Variants in OR4D2 observed in about 807,000 individuals in gnomAD.
The protein encoded by OR4D2 is olfactory receptor family 4 subfamily D member 2, also known as olfactory receptor 4D2.
A neutral mutation model predicts 12.4 loss-of-function variants in OR4D2; 9 were observed. The observed-to-expected ratio is 0.73, with a 90% CI of 0.44 to 1.27. OR4D2 has a LOEUF of 1.27. OR4D2 is among the 50% of genes most tolerant of loss of function. OR4D2 has a pLI of 0.00. For synonymous variants in OR4D2, 151 were observed against 151.1 expected (o/e 1.00, Z 0.01); for missense variants, 373 against 381.6 (o/e 0.98, Z 0.19).
At chr17:58,169,145 C>T (rs1237345735) in intron 1 of OR4D2, among the ~76,000 whole-genome samples, 1 of 152,176 alleles carries the variant, frequency 6.6e-6, no homozygotes, top group Admixed American at 6.5e-5. Flanking sequence ...GAGAGGATAT[C>T]TTTAGATTAA....
In OR4D2 at chr17:58,170,513, C is replaced by G. The variant is rs1458476539; in HGVS notation, c.858C>G (p.Ile286Met). Reference sequence around the variant, plus strand: ...TGACCCCCATGCTCAACCCCATGATCTATACCCTGAGGAACCAGGACATGC... The same window carrying G: ...TGACCCCCATGCTCAACCCCATGATGTATACCCTGAGGAACCAGGACATGC... ...TVMTPMLNPM[I>M]YTLRNQDMQA... Residue 286 changes from isoleucine to methionine, a missense_variant, in exon 2 of 2, where the codon ATC (isoleucine) becomes ATG (methionine). Ile to Met is a conservative substitution (Grantham distance 10). Coordinates refer to ENST00000545221, the MANE Select transcript of OR4D2 (RefSeq NM_001004707.4). The G allele has an allele frequency of 1.2e-6, 2 of 1,614,070 alleles. No homozygotes were observed. Among genetic ancestry groups the G allele is most frequent in the Non-Finnish European group, 1.7e-6 (2 of 1,180,018 alleles).
intron 1 of OR4D2, 135 bp downstream of exon 1, chr17:58,167,188 G>A (rs1967901272): frequency 6.6e-6 from 1 of 152,184 alleles, no homozygotes; most frequent in Non-Finnish European, 1.5e-5. Context: ...GGCTTACTAA[G>A]TTATTGAATT....
Position 58,170,518 on chromosome 17 carries a change from C to T in OR4D2, c.863C>T (p.Thr288Ile). 1 of 1,614,160 alleles carries T rather than the reference C, an allele frequency of 6.2e-7. No individual in the cohort carries two copies. The highest frequency in any genetic ancestry group is 8.5e-7 in the Non-Finnish European group (1 of 1,180,006). ...CCCATGCTCAACCCCATGATCTATA[C>T]CCTGAGGAACCAGGACATGCAGGCA... ...MTPMLNPMIY[T>I]LRNQDMQAAV... Residue 288 changes from threonine to isoleucine, a missense_variant, in exon 2 of 2, where the codon ACC (threonine) becomes ATC (isoleucine). Thr to Ile is a moderately conservative substitution (Grantham distance 89). Coordinates refer to ENST00000545221, the MANE Select transcript of OR4D2 (RefSeq NM_001004707.4).
At position 58,169,745 on chromosome 17, in the gene OR4D2, G is replaced by T. The variant is rs1380513648; in HGVS notation, c.90G>T (p.Met30Ile). ...AGCTCCAGCGTTTCCTGTTTCTAAT[G>T]TTCCTGTTTGTCTACATCACCACTG... The part of the protein sequence containing the change: ...TRELQRFLFL[M>I]FLFVYITTVM... Residue 30 changes from methionine (M) to isoleucine (I), a missense_variant, in exon 2 of 2, where the codon ATG (methionine) becomes ATT (isoleucine). By Grantham distance (10) the Met-to-Ile change is conservative. Transcript: ENST00000545221. The T allele has an allele frequency of 4.3e-6, 7 of 1,613,920 alleles. No homozygotes were observed. In the East Asian group the frequency reaches 1.6e-4, roughly 36 times the overall value.
At chr17:58,169,144 T>A (rs1284625714) in intron 1 of OR4D2, among the ~76,000 whole-genome samples, 1 of 152,220 alleles carries the variant, frequency 6.6e-6, no homozygotes, top group African/African-American at 2.4e-5. Flanking sequence ...AGAGAGGATA[T>A]CTTTAGATTA....
Position 58,170,011 on chromosome 17 carries a change from C to T in OR4D2, c.356C>T (p.Ala119Val). 6.2e-7 allele frequency: 1 copy of T among 1,614,094 alleles called. No homozygotes were observed. Among genetic ancestry groups the T allele is most frequent in the Non-Finnish European group, 8.5e-7 (1 of 1,180,026 alleles). ...ATGGTCTTCTTCCTCTCAGTGATGG[C>T]CTTTGACCGCCTCATTGCCATCTCC... ...GAMVFFLSVM[A>V]FDRLIAISRP... Residue 119 changes from alanine (A) to valine (V), a missense_variant, in exon 2 of 2, where the codon GCC (alanine) becomes GTC (valine). Ala to Val is a moderately conservative substitution (Grantham distance 64, BLOSUM62 0). Transcript: ENST00000545221.
In OR4D2 at chr17:58,170,443, C is replaced by T. The variant is rs1967950592; in HGVS notation, c.788C>T (p.Thr263Ile). 4 of 1,614,230 alleles carry T rather than the reference C, an allele frequency of 2.5e-6. No homozygotes were observed. Among genetic ancestry groups the T allele is most frequent in the Non-Finnish European group, 3.4e-6 (4 of 1,180,044 alleles). The change falls in exon 2 of 2, where the codon ACT becomes ATT. Residue 263 changes from threonine (T) to isoleucine (I), a missense_variant. By Grantham distance (89) the Thr-to-Ile change is moderately conservative (BLOSUM62 -1). Coordinates refer to ENST00000545221, the MANE Select transcript of OR4D2 (RefSeq NM_001004707.4). The stretch of plus-strand genomic sequence containing the variant: ...ATTTACCTCTATGCCCGGCCCTTCA[C>T]TCCATTCCCTATGGACAAGCTTGTG... ...PSIYLYARPF[T>I]PFPMDKLVSI...
At chr17:58,169,300 AG>A in intron 1 of OR4D2, 2 of 256,100 alleles carry the variant, frequency 7.8e-6, no homozygotes, top group Non-Finnish European at 1.5e-5. Context: ...GTGAAAACTG[AG>A]GCCCAGAAAG....
At chr17:58,168,562 T>C (rs1315305429) in intron 1 of OR4D2, among the ~76,000 whole-genome samples, 2 of 152,160 alleles carry the variant, frequency 1.3e-5, no homozygotes, top group African/African-American at 4.8e-5. Flanking sequence ...CCAGCACTTT[T>C]CCACTTCCTT....
In OR4D2 at chr17:58,170,306, C is replaced by T. The variant is rs777058760; in HGVS notation, c.651C>T (p.Ser217=). The change falls in exon 2 of 2, where the codon TCC becomes TCT. Residue 217 remains serine (S), a synonymous_variant. Coordinates refer to ENST00000545221, the MANE Select transcript of OR4D2 (RefSeq NM_001004707.4). ...TCTGGTTCTTCCTCCTCCTGATGTC[C>T]TACTTATTCATCCTGGTGATGCTGA... ...DVVWFFLLLM[S]YLFILVMLRS... 3.1e-6 allele frequency: 5 copies of T among 1,614,100 alleles called. No homozygotes were observed. In the African/African-American group the frequency reaches 5.3e-5, roughly 17 times the overall value.
rs200622448 is a variant in OR4D2, at chr17:58,170,512, T to C, written c.857T>C (p.Ile286Thr). The change falls in exon 2 of 2, where the codon ATC becomes ACC. Residue 286 changes from isoleucine to threonine, a missense_variant. By Grantham distance (89) the Ile-to-Thr change is moderately conservative. Coordinates refer to ENST00000545221, the MANE Select transcript of OR4D2 (RefSeq NM_001004707.4). ...TVMTPMLNPM[I>T]YTLRNQDMQA... ...ATGACCCCCATGCTCAACCCCATGA[T>C]CTATACCCTGAGGAACCAGGACATG... 6.8e-6 allele frequency: 11 copies of C among 1,614,182 alleles called. No individual in the cohort carries two copies. The East Asian group carries it at 2.5e-4, about 36-fold the overall frequency.
At chr17:58,167,867 G>T (rs957357641) in intron 1 of OR4D2, among the ~76,000 whole-genome samples, 2 of 151,814 alleles carry the variant, frequency 1.3e-5, no homozygotes, top group African/African-American at 2.4e-5. Context: ...GCCGGGCGAG[G>T]TGGTGGGCGC....
chr17:58,167,910 A>C (rs1295506372), intron 1 of OR4D2, among the ~76,000 whole-genome samples: 1 of 150,516 alleles, frequency 6.6e-6, no homozygotes, highest in Non-Finnish European at 1.5e-5. Context: ...GGCTGAGGTA[A>C]AAGAATGGCG....
intron 1 of OR4D2, among the ~76,000 whole-genome samples, chr17:58,167,593 T>G (rs1967904251): frequency 6.6e-6 from 1 of 152,148 alleles, no homozygotes; most frequent in Non-Finnish European, 1.5e-5. Flanking sequence ...CCTCAGTTTA[T>G]CCACAGAGCA....
rs1340442627 is a variant in OR4D2, at chr17:58,169,714, C to T, written c.59C>T (p.Thr20Ile). ...TTTGTCTTCCTGGGGCTCTCGCAGA[C>T]TCGGGAGCTCCAGCGTTTCCTGTTT... ...SDFVFLGLSQ[T>I]RELQRFLFLM... Residue 20 changes from threonine to isoleucine, a missense_variant, in exon 2 of 2, where the codon ACT becomes ATT. Coordinates refer to ENST00000545221, the MANE Select transcript of OR4D2 (RefSeq NM_001004707.4). 2 of 1,614,056 alleles carry T rather than the reference C, an allele frequency of 1.2e-6. No individual in the cohort carries two copies. Among genetic ancestry groups the T allele is most frequent in the South Asian group, 1.1e-5 (1 of 91,082 alleles).
intron 1 of OR4D2, 50 bp downstream of exon 1, chr17:58,167,103 A>C (rs1967900765): frequency 6.6e-6 from 1 of 152,260 alleles, no homozygotes; most frequent in South Asian, 2.1e-4. Context: ...ACAAAGTCAC[A>C]TTTACCTGCT....
Position 58,170,858 on chromosome 17 carries a change from C to A in OR4D2, c.*279C>A. On this transcript the variant is annotated 3_prime_UTR_variant, in exon 2 of 2. Transcript: ENST00000545221. ...TTTCACCTTCTTGGTGGACAGTTTC[C>A]TGTTGACAGCATTTCCCCTGTGCGA... 2.2e-6 allele frequency: 1 copy of A among 448,406 alleles called. No homozygotes were observed. Among genetic ancestry groups the A allele is most frequent in the Non-Finnish European group, 4.1e-6 (1 of 245,040 alleles). 27.8% of individuals were successfully genotyped at this position (448,406 alleles called of 1,614,324 possible).
chr17:58,169,610 A>G (rs772101872), intron 1 of OR4D2, 28 bp from the exon 2 acceptor site: 11 of 1,483,352 alleles, frequency 7.4e-6, no homozygotes, highest in African/African-American at 6.9e-5. Context: ...GACTTCATGT[A>G]TCTGTGTCTG....
At chr17:58,169,506 C>CAGCA (rs2143678443) in intron 1 of OR4D2, 132 bp from the exon 2 acceptor site, 1 of 676,384 alleles carries the variant, frequency 1.5e-6, no homozygotes, top group African/African-American at 1.8e-5. Context: ...AGAGACAAGA[C>CAGCA]AGCACCTAGT....
Sources: gnomAD v4.1 joint callset for allele counts (sites outside exome capture counted in the v4.1 genomes callset) on GRCh38, gnomAD v4.1.1 for gene constraint, MANE v1.5 for transcripts, NCBI Gene and HGNC (gene_info 2026-07-23, HGNC 2026-07-21) for gene names.